Variants in DPH6 observed in about 807,000 individuals in gnomAD.
DPH6 encodes the protein diphthamine biosynthesis 6.
DPH6 carries 33 observed loss-of-function variants against 38.2 expected under a neutral mutation model. The ratio of observed to expected loss-of-function variants is 0.86; its 90% CI spans 0.65 to 1.15. DPH6 has a LOEUF of 1.15. Ranked by LOEUF, DPH6 falls within the 50% of genes most tolerant of loss-of-function variation. The pLI, the probability that DPH6 is intolerant of heterozygous loss-of-function variation, is 0.00. For synonymous variants in DPH6, 108 were observed against 103.0 expected (o/e 1.05, Z -0.30); for missense variants, 325 against 320.0 (o/e 1.02, Z -0.12).
the DPH6 span, among the ~76,000 whole-genome samples, chr15:35,179,377 T>C: frequency 2.0e-5 from 3 of 152,162 alleles, no homozygotes; most frequent in East Asian, 3.8e-4. Context: ...TGGAAATATA[T>C]AGGATGTTTA....
At chr15:35,415,773 A>C (rs2053428284) in intron 5 of DPH6, among the ~76,000 whole-genome samples, 1 of 152,044 alleles carries the variant, frequency 6.6e-6, no homozygotes, top group African/African-American at 2.4e-5. Context: ...AAATTCTATG[A>C]AGCTAAAATC....
chr15:35,364,602 TAAA>T (rs1268469794), intron 3 of DPH6, among the ~76,000 whole-genome samples: 1 of 152,116 alleles, frequency 6.6e-6, no homozygotes, highest in Non-Finnish European at 1.5e-5. Flanking sequence ...TTTAGCACTA[TAAA>T]AATTTGATTT....
chr15:35,229,557 G>A (rs1423669800), intron 3 of DPH6, among the ~76,000 whole-genome samples: 1 of 151,988 alleles, frequency 6.6e-6, no homozygotes, highest in Non-Finnish European at 1.5e-5. Context: ...GTTTTATTTA[G>A]CTCATTTGGT....
the DPH6 span, among the ~76,000 whole-genome samples, chr15:35,167,342 G>A: frequency 2.0e-5 from 3 of 151,822 alleles, no homozygotes; most frequent in East Asian, 1.9e-4. Flanking sequence ...ATGTGAACAA[G>A]GCTAGCTAGC....
intron 3 of DPH6, among the ~76,000 whole-genome samples, chr15:35,474,513 G>A (rs2054241223): frequency 6.6e-6 from 1 of 152,094 alleles, no homozygotes; most frequent in African/African-American, 2.4e-5. Context: ...AGGGTAACCT[G>A]CACATGGTTA....
chr15:35,355,194 G>T (rs1029495603), intron 3 of DPH6, among the ~76,000 whole-genome samples: 2 of 152,076 alleles, frequency 1.3e-5, no homozygotes, highest in South Asian at 4.1e-4. Flanking sequence ...CATGTGAGAT[G>T]GGTTTCCTGA....
intron 3 of DPH6, among the ~76,000 whole-genome samples, chr15:35,271,646 C>G (rs1449497393): frequency 6.6e-6 from 1 of 152,184 alleles, no homozygotes; most frequent in Non-Finnish European, 1.5e-5. Flanking sequence ...CTATGCAGGG[C>G]AAAGCTGACC....
intron 6 of DPH6, among the ~76,000 whole-genome samples, chr15:35,382,541 T>C (rs919988088): frequency 6.6e-6 from 1 of 152,190 alleles, no homozygotes; most frequent in African/African-American, 2.4e-5. Context: ...TCAGTCACAA[T>C]GTAATAAACA....
intron 3 of DPH6, among the ~76,000 whole-genome samples, chr15:35,341,349 C>T (rs2140878135): frequency 6.7e-6 from 1 of 149,854 alleles, no homozygotes; most frequent in African/African-American, 2.5e-5. Flanking sequence ...TTATTACCCA[C>T]CTTCTGAAGC....
intron 3 of DPH6, among the ~76,000 whole-genome samples, chr15:35,529,473 GGT>G (rs1214368977): frequency 6.6e-6 from 1 of 152,022 alleles, no homozygotes; most frequent in Non-Finnish European, 1.5e-5. Context: ...ATGAGATATG[GGT>G]GGGGACACAG....
intron 3 of DPH6, chr15:35,238,201 G>T (rs1337648968): frequency 2.4e-5 from 7 of 285,730 alleles, no homozygotes; most frequent in African/African-American, 9.4e-5. Context: ...AGAGGGGAAA[G>T]GTGTACTGGG....
chr15:35,301,221 AC>A (rs1229773811), intron 3 of DPH6, among the ~76,000 whole-genome samples: 1 of 152,188 alleles, frequency 6.6e-6, no homozygotes, highest in Non-Finnish European at 1.5e-5. Context: ...GGTAACCATG[AC>A]TTTGTCATCC....
intron 6 of DPH6, among the ~76,000 whole-genome samples, chr15:35,392,365 T>C (rs2053071270): frequency 6.6e-6 from 1 of 151,912 alleles, no homozygotes; most frequent in African/African-American, 2.4e-5. Flanking sequence ...AACTTTTTCT[T>C]CTTTTAAATC....
At chr15:35,276,158 T>C (rs1317438180) in intron 3 of DPH6, among the ~76,000 whole-genome samples, 1 of 152,236 alleles carries the variant, frequency 6.6e-6, no homozygotes. Context: ...ACTAAGGTGG[T>C]TTTGATTTGC....
intron 3 of DPH6, among the ~76,000 whole-genome samples, chr15:35,505,644 A>G (rs2054684580): frequency 6.6e-6 from 1 of 152,078 alleles, no homozygotes; most frequent in African/African-American, 2.4e-5. Context: ...GGGCTGGTCT[A>G]AAGTTCAGGG....
At chr15:35,180,997 C>T in the DPH6 span, among the ~76,000 whole-genome samples, 2 of 152,052 alleles carry the variant, frequency 1.3e-5, no homozygotes, top group Non-Finnish European at 2.9e-5. Flanking sequence ...GCTGTGTTGA[C>T]ATTAGTGTTC....
chr15:35,215,400 T>C (rs2140381034), downstream of DPH6, among the ~76,000 whole-genome samples: 1 of 152,298 alleles, frequency 6.6e-6, no homozygotes, highest in South Asian at 2.1e-4. Flanking sequence ...GGAAAATCTT[T>C]TTTTTAGAGA....
At chr15:35,274,288 A>G (rs1950547314) in intron 3 of DPH6, among the ~76,000 whole-genome samples, 1 of 152,192 alleles carries the variant, frequency 6.6e-6, no homozygotes, top group South Asian at 2.1e-4. Flanking sequence ...AAAACCCAAA[A>G]CCATAAAACC....
At chr15:35,347,838 A>G (rs1466361518) in intron 3 of DPH6, among the ~76,000 whole-genome samples, 1 of 152,050 alleles carries the variant, frequency 6.6e-6, no homozygotes, top group African/African-American at 2.4e-5. Flanking sequence ...TTTGTTGATT[A>G]CCATCCCAAT....
Sources: gnomAD v4.1 joint callset for allele counts (sites outside exome capture counted in the v4.1 genomes callset) on GRCh38, gnomAD v4.1.1 for gene constraint, MANE v1.5 for transcripts, NCBI Gene and HGNC (gene_info 2026-07-23, HGNC 2026-07-21) for gene names.